Variants in DPYD observed in about 807,000 individuals in gnomAD.
The protein encoded by DPYD is dihydropyrimidine dehydrogenase [NADP(+)].
A neutral mutation model predicts 116.2 loss-of-function variants in DPYD; 109 were observed. That is an observed-to-expected ratio of 0.94 (90% CI 0.80 to 1.10). DPYD has a LOEUF of 1.10. Ranked by LOEUF, DPYD falls within the 50% of genes least tolerant of loss-of-function variation. The probability of loss-of-function intolerance (pLI) is 0.00; values close to 1 mark genes in which losing one functional copy is unlikely to be tolerated. For missense variants in DPYD, 1,302 were observed against 1,254.5 expected (o/e 1.04, Z -0.57); for synonymous variants, 440 against 432.0 (o/e 1.02, Z -0.23).
At chr1:97,669,384 T>C (rs1003753741) in intron 8 of DPYD, among the ~76,000 whole-genome samples, 4 of 152,240 alleles carry the variant, frequency 2.6e-5, no homozygotes, top group Admixed American at 2.0e-4. Flanking sequence ...ATAACAGTAC[T>C]AAGTAATATG....
intron 19 of DPYD, among the ~76,000 whole-genome samples, chr1:97,212,554 A>G (rs1470250887): frequency 6.6e-6 from 1 of 151,824 alleles, no homozygotes; most frequent in Non-Finnish European, 1.5e-5. Flanking sequence ...TTTTTTCTGG[A>G]TATATATATT....
At chr1:97,636,664 CT>C (rs1464898453) in intron 8 of DPYD, among the ~76,000 whole-genome samples, 1 of 149,414 alleles carries the variant, frequency 6.7e-6, no homozygotes, top group Non-Finnish European at 1.5e-5. Flanking sequence ...TAATAACAAA[CT>C]TTTGCTTCCC....
chr1:97,880,357 C>A (rs1003542811), intron 2 of DPYD, among the ~76,000 whole-genome samples: 1 of 151,742 alleles, frequency 6.6e-6, no homozygotes, highest in South Asian at 2.1e-4. Flanking sequence ...CAGCATCCTA[C>A]TTGGGTCTTT....
At chr1:97,733,305 G>A (rs531019336) in intron 4 of DPYD, among the ~76,000 whole-genome samples, 8 of 151,952 alleles carry the variant, frequency 5.3e-5, no homozygotes, top group African/African-American at 1.4e-4. Flanking sequence ...ATTATAAAAC[G>A]TATGTTCATT....
intron 16 of DPYD, among the ~76,000 whole-genome samples, chr1:97,316,691 A>C (rs1021575110): frequency 1.3e-5 from 2 of 151,694 alleles, no homozygotes; most frequent in Middle Eastern, 6.8e-3. Context: ...TTTGAAGTCT[A>C]GTTCTCCCTT....
chr1:97,875,379 A>G (rs1399666151), intron 2 of DPYD, among the ~76,000 whole-genome samples: 3 of 151,994 alleles, frequency 2.0e-5, no homozygotes. Context: ...GTTAATAAAC[A>G]CATAGATGGG....
intron 14 of DPYD, among the ~76,000 whole-genome samples, chr1:97,427,118 A>G (rs1325703892): frequency 1.3e-5 from 2 of 152,092 alleles, no homozygotes; most frequent in Non-Finnish European, 2.9e-5. Context: ...TCATATCTAC[A>G]ACTACTACCT....
intron 21 of DPYD, among the ~76,000 whole-genome samples, chr1:97,091,381 G>A (rs1015948205): frequency 6.6e-6 from 1 of 152,112 alleles, no homozygotes; most frequent in African/African-American, 2.4e-5. Flanking sequence ...TAGGAAAAAT[G>A]GTATGTCAAG....
chr1:97,650,847 TACACACACAC>T (rs552228084), intron 8 of DPYD, among the ~76,000 whole-genome samples: 1 of 149,364 alleles, frequency 6.7e-6, no homozygotes, highest in African/African-American at 2.4e-5. Context: ...AAGGTGTGTA[TACACACACAC>T]ACACACACAC....
chr1:97,385,721 C>T (rs1423483962), intron 14 of DPYD, among the ~76,000 whole-genome samples: 3 of 152,174 alleles, frequency 2.0e-5, no homozygotes, highest in Admixed American at 6.6e-5. Context: ...AAACCTTTCT[C>T]GTGGGCTGAA....
chr1:97,632,835 A>G (rs1259665059), intron 8 of DPYD, among the ~76,000 whole-genome samples: 2 of 152,156 alleles, frequency 1.3e-5, no homozygotes, highest in Non-Finnish European at 2.9e-5. Context: ...TGGGTTTTTT[A>G]AAAGACGAAA....
intron 13 of DPYD, among the ~76,000 whole-genome samples, chr1:97,513,012 G>T (rs1485492457): frequency 6.6e-6 from 1 of 151,488 alleles, no homozygotes; most frequent in Non-Finnish European, 1.5e-5. Flanking sequence ...ATGATCATTT[G>T]CCTTTCTAAA....
chr1:97,672,787 G>C (rs1359115703), intron 8 of DPYD, among the ~76,000 whole-genome samples: 1 of 152,098 alleles, frequency 6.6e-6, no homozygotes, highest in Non-Finnish European at 1.5e-5. Flanking sequence ...GTGAAGGCAT[G>C]AGAGATTTAA....
intron 19 of DPYD, among the ~76,000 whole-genome samples, chr1:97,209,378 A>T (rs1284348512): frequency 6.6e-6 from 1 of 152,202 alleles, no homozygotes; most frequent in African/African-American, 2.4e-5. Context: ...ATGCTCAGAC[A>T]TGCAATAGAA....
intron 1 of DPYD, among the ~76,000 whole-genome samples, chr1:97,887,469 T>TAAAAAAAAAAAAAAAAAAAAAA (rs57316508): frequency 1.5e-4 from 7 of 47,140 alleles, no homozygotes; most frequent in South Asian, 9.8e-4. Flanking sequence ...GACTCTGCAT[T>TAAAAAAAAAAAAAAAAAAAAAA]AAAAAAAAAA....
intron 20 of DPYD, among the ~76,000 whole-genome samples, chr1:97,181,753 T>C (rs1657658033): frequency 6.6e-6 from 1 of 152,186 alleles, no homozygotes. Context: ...GAAATGGATA[T>C]ATCACATATT....
intron 19 of DPYD, among the ~76,000 whole-genome samples, chr1:97,228,008 C>A (rs1216909582): frequency 6.6e-6 from 1 of 151,662 alleles, no homozygotes; most frequent in Non-Finnish European, 1.5e-5. Context: ...AAAATATTAT[C>A]TTTACAATGA....
At chr1:97,601,689 C>A (rs776873912) in intron 8 of DPYD, among the ~76,000 whole-genome samples, 15 of 151,910 alleles carry the variant, frequency 9.9e-5, no homozygotes, top group Non-Finnish European at 1.3e-4. Context: ...TATGGGTTAT[C>A]ATTCTAGGAT....
chr1:97,239,263 C>A (rs1662157623), intron 18 of DPYD, among the ~76,000 whole-genome samples: 1 of 152,086 alleles, frequency 6.6e-6, no homozygotes, highest in South Asian at 2.1e-4. Context: ...GTTAATCAAT[C>A]TGATTTTGAT....
Sources: gnomAD v4.1 joint callset for allele counts (sites outside exome capture counted in the v4.1 genomes callset) on GRCh38, gnomAD v4.1.1 for gene constraint, MANE v1.5 for transcripts, NCBI Gene and HGNC (gene_info 2026-07-23, HGNC 2026-07-21) for gene names.